Variants in USH2A observed in about 807,000 individuals in gnomAD.
USH2A encodes the protein Usher syndrome 2A (autosomal recessive, mild).
In USH2A, 443 loss-of-function variants were observed where a neutral mutation model predicts 538.9. The observed-to-expected ratio is 0.82, with a 90% CI of 0.76 to 0.89. USH2A has a LOEUF of 0.89. Among genes scored for constraint, USH2A ranks in the 40% least tolerant of loss-of-function variants. The pLI, the probability that USH2A is intolerant of heterozygous loss-of-function variation, is 0.00. For missense variants in USH2A, 6,633 were observed against 6,324.8 expected, an observed-to-expected ratio of 1.05 and a Z score of -1.65; for synonymous variants, 2,413 against 2,273.5, an observed-to-expected ratio of 1.06 and a Z score of -1.75.
At chr1:216,032,389 T>G (rs1172453035) in intron 32 of USH2A, among the ~76,000 whole-genome samples, 2 of 152,194 alleles carry the variant, frequency 1.3e-5, no homozygotes, top group Non-Finnish European at 2.9e-5. Context: ...TAGGTACTGT[T>G]GTTACCATTC....
Position 215,759,532 on chromosome 1 carries a change from T to C in USH2A, c.11231+128A>G, listed in dbSNP as rs148351011. The C allele has an allele frequency of 4.1e-4, 463 of 1,138,468 alleles. 4 individuals carry two copies. In the East Asian group the frequency reaches 0.011, roughly 27 times the overall value. 70.5% of individuals were successfully genotyped at this position (1,138,468 alleles called of 1,614,324 possible). A position where few individuals can be genotyped will look rare whatever the true frequency, so the allele number is the denominator to read the frequency against. On this transcript the variant is annotated intron_variant, in intron 57 of 71. Coordinates refer to ENST00000307340, the MANE Select transcript of USH2A (RefSeq NM_206933.4). ...ATGATTTAGCACTTTCATCAGTTAT[T>C]GAATGGCCAATGAATGAGGAAGTTA...
At chr1:215,650,477 C>T (rs1485745762) in intron 65 of USH2A, 115 bp downstream of exon 65, 8 of 1,276,500 alleles carry the variant, frequency 6.3e-6, no homozygotes, top group African/African-American at 4.4e-5. Context: ...CGTAGAGCAA[C>T]TGAGAACAGA....
In USH2A at chr1:215,733,148, A is replaced by C. The variant is rs576794045; in HGVS notation, c.11712-4764T>G. On this transcript the variant is annotated intron_variant, in intron 60 of 71. Coordinates refer to ENST00000307340, the MANE Select transcript of USH2A (RefSeq NM_206933.4). Reference sequence around the variant, plus strand: ...TTACAACTATGATGGAAGGTGAAGAAAGAGCAAGTGCATCACGTGCAGAGA... The same window carrying C: ...TTACAACTATGATGGAAGGTGAAGACAGAGCAAGTGCATCACGTGCAGAGA... Among the ~76,000 whole-genome samples, 13 of 144,954 alleles carry C rather than the reference A, an allele frequency of 9.0e-5. 1 individual carries two copies. The South Asian group carries it at 1.1e-3, about 13-fold the overall frequency.
At chr1:215,647,762 CG>C in intron 66 of USH2A, 32 bp from the exon 67 acceptor site, 1 of 1,609,682 alleles carries the variant, frequency 6.2e-7, no homozygotes, top group Non-Finnish European at 8.5e-7. Context: ...AGAGTCAAGA[CG>C]GGTAATGGAA....
At chr1:215,748,006 C>T (rs1660525324) in intron 58 of USH2A, among the ~76,000 whole-genome samples, 1 of 152,012 alleles carries the variant, frequency 6.6e-6, no homozygotes, top group African/African-American at 2.4e-5. Flanking sequence ...ATTCTCCTGC[C>T]TCAGCCTCCC....
At chr1:215,869,422 T>C (rs1335227251) in intron 43 of USH2A, among the ~76,000 whole-genome samples, 1 of 152,162 alleles carries the variant, frequency 6.6e-6, no homozygotes, top group African/African-American at 2.4e-5. Context: ...GCAGAGGGAA[T>C]AGATTTTTGC....
At chr1:216,010,728 T>C (rs561512180) in intron 32 of USH2A, among the ~76,000 whole-genome samples, 52 of 151,866 alleles carry the variant, frequency 3.4e-4, no homozygotes, top group African/African-American at 1.3e-3. Context: ...CACTCCTTTT[T>C]AGTTATCCCC....
chr1:216,015,647 A>G (rs967647550), intron 32 of USH2A, among the ~76,000 whole-genome samples: 1 of 152,196 alleles, frequency 6.6e-6, no homozygotes, highest in African/African-American at 2.4e-5. Context: ...GTGTAAAAGC[A>G]TTCCTATTTC....
intron 10 of USH2A, 102 bp downstream of exon 10, chr1:216,292,073 C>T: frequency 1.5e-6 from 2 of 1,330,002 alleles, no homozygotes; most frequent in South Asian, 1.2e-5. Flanking sequence ...TATGAAAGTA[C>T]ATCCTTAAAT....
intron 3 of USH2A, among the ~76,000 whole-genome samples, chr1:216,382,089 T>C (rs1018374586): frequency 4.6e-5 from 7 of 152,288 alleles, no homozygotes; most frequent in African/African-American, 1.7e-4. Context: ...CAATCAAACT[T>C]TGTTTATTGA....
intron 32 of USH2A, among the ~76,000 whole-genome samples, chr1:216,040,199 T>C (rs1355258245): frequency 6.6e-6 from 1 of 152,028 alleles, no homozygotes; most frequent in Admixed American, 6.6e-5. Context: ...TGGTTCTAGA[T>C]ATCAGTCACT....
chr1:215,927,928 T>A (rs895873484), intron 38 of USH2A, among the ~76,000 whole-genome samples: 3 of 152,094 alleles, frequency 2.0e-5, no homozygotes, highest in Non-Finnish European at 4.4e-5. Flanking sequence ...TTAGGATGAA[T>A]TAAACCCTAA....
intron 37 of USH2A, among the ~76,000 whole-genome samples, chr1:215,953,884 C>T (rs1571842887): frequency 6.6e-6 from 1 of 151,924 alleles, no homozygotes; most frequent in Non-Finnish European, 1.5e-5. Flanking sequence ...ACAAACAACC[C>T]CATCAAAAAG....
intron 3 of USH2A, among the ~76,000 whole-genome samples, chr1:216,391,814 C>T (rs2039113910): frequency 6.6e-6 from 1 of 152,150 alleles, no homozygotes; most frequent in African/African-American, 2.4e-5. Flanking sequence ...CTGCTGGTGC[C>T]CATGTGCTTT....
intron 62 of USH2A, among the ~76,000 whole-genome samples, chr1:215,677,519 G>A (rs1018077886): frequency 6.6e-6 from 1 of 152,038 alleles, no homozygotes; most frequent in African/African-American, 2.4e-5. Context: ...TGCCAACCAG[G>A]TTTCCCATTC....
chr1:215,691,490 T>C (rs1325664333), intron 61 of USH2A, among the ~76,000 whole-genome samples: 3 of 152,162 alleles, frequency 2.0e-5, no homozygotes, highest in African/African-American at 7.2e-5. Flanking sequence ...ACTTTATGCA[T>C]AGGTTTGCAT....
At chr1:216,369,063 A>G (rs2102714303) in intron 3 of USH2A, among the ~76,000 whole-genome samples, 1 of 152,314 alleles carries the variant, frequency 6.6e-6, no homozygotes, top group African/African-American at 2.4e-5. Context: ...AATTCAAACA[A>G]AAAGAAAACC....
At chr1:215,934,478 T>A (rs576979476) in intron 38 of USH2A, 138 bp downstream of exon 38, 2 of 905,844 alleles carry the variant, frequency 2.2e-6, no homozygotes, top group South Asian at 1.7e-5. Flanking sequence ...AAACAACAAC[T>A]ATTAAAAGAA....
chr1:216,275,448 A>G (rs2036654293), intron 11 of USH2A, among the ~76,000 whole-genome samples: 1 of 152,084 alleles, frequency 6.6e-6, no homozygotes, highest in Admixed American at 6.6e-5. Flanking sequence ...ACTTTCAGAA[A>G]AGTTAACTCA....
Sources: allele counts gnomAD v4.1 joint callset (sites outside exome capture counted in the v4.1 genomes callset), GRCh38; gene constraint gnomAD v4.1.1; transcripts MANE v1.5; gene names NCBI Gene and HGNC (gene_info 2026-07-23, HGNC 2026-07-21).